The following FHIT variants were observed in gnomAD, a reference collection of about 807,000 sequenced individuals.
FHIT encodes the protein bis(5'-adenosyl)-triphosphatase.
In FHIT, 19 loss-of-function variants were observed where a neutral mutation model predicts 17.9. The observed-to-expected ratio is 1.06, with a 90% CI of 0.74 to 1.56. FHIT has a LOEUF of 1.56. Ranked by LOEUF, FHIT falls within the 40% of genes most tolerant of loss-of-function variation. The probability of loss-of-function intolerance (pLI) is 0.00; values close to 1 mark genes in which losing one functional copy is unlikely to be tolerated. For synonymous variants in FHIT, 81 were observed against 69.7 expected (o/e 1.16, Z -0.81); for missense variants, 248 against 189.2 (o/e 1.31, Z -1.82).
At chr3:60,647,369 C>G (rs1339243738) in intron 4 of FHIT, among the ~76,000 whole-genome samples, 1 of 152,120 alleles carries the variant, frequency 6.6e-6, no homozygotes, top group Non-Finnish European at 1.5e-5. Context: ...AGATTTAGCT[C>G]CTGCAATTCT....
chr3:59,803,768 T>A (rs1575522061), intron 8 of FHIT, among the ~76,000 whole-genome samples: 1 of 27,624 alleles, frequency 3.6e-5, no homozygotes, highest in South Asian at 1.9e-3. Context: ...CTAAGGGAGA[T>A]TGCCAGGTAA....
chr3:59,985,343 A>C (rs893188788), intron 7 of FHIT, among the ~76,000 whole-genome samples: 1 of 151,772 alleles, frequency 6.6e-6, no homozygotes, highest in Non-Finnish European at 1.5e-5. Context: ...ATTTGCCAAA[A>C]CTCCAGACAT....
At chr3:61,130,711 T>G (rs2036738799) in intron 2 of FHIT, among the ~76,000 whole-genome samples, 1 of 151,964 alleles carries the variant, frequency 6.6e-6, no homozygotes, top group Non-Finnish European at 1.5e-5. Context: ...CTGTGTAGGG[T>G]CAAAGTGAGT....
At chr3:60,463,707 T>G (rs950666356) in intron 5 of FHIT, among the ~76,000 whole-genome samples, 1 of 152,162 alleles carries the variant, frequency 6.6e-6, no homozygotes, top group Non-Finnish European at 1.5e-5. Flanking sequence ...AAAATAGACA[T>G]GGTTTCCAAT....
At chr3:60,761,418 A>T (rs932705422) in intron 4 of FHIT, among the ~76,000 whole-genome samples, 3 of 152,284 alleles carry the variant, frequency 2.0e-5, no homozygotes, top group South Asian at 4.2e-4. Context: ...TTTAAGACAG[A>T]CACTGTTCTG....
intron 5 of FHIT, among the ~76,000 whole-genome samples, chr3:60,430,584 A>T (rs762699720): frequency 2.6e-5 from 4 of 151,886 alleles, no homozygotes; most frequent in African/African-American, 4.8e-5. Context: ...ACTGCATTTT[A>T]TTCTCTTATA....
At chr3:60,438,052 G>T (rs1351838530) in intron 5 of FHIT, among the ~76,000 whole-genome samples, 1 of 151,994 alleles carries the variant, frequency 6.6e-6, no homozygotes, top group Non-Finnish European at 1.5e-5. Flanking sequence ...CATGAGGCAG[G>T]ATAAGTAGTC....
intron 3 of FHIT, among the ~76,000 whole-genome samples, chr3:60,835,300 T>C (rs1224148412): frequency 1.3e-5 from 2 of 152,194 alleles, no homozygotes; most frequent in East Asian, 1.9e-4. Flanking sequence ...TTTAAACCTG[T>C]ATATCAATTT....
chr3:60,280,263 A>G (rs1287428847), intron 5 of FHIT, among the ~76,000 whole-genome samples: 2 of 152,142 alleles, frequency 1.3e-5, no homozygotes, highest in African/African-American at 4.8e-5. Flanking sequence ...TACAGCTAAC[A>G]TGACATCATA....
At chr3:59,886,545 G>A (rs1703631623) in intron 8 of FHIT, among the ~76,000 whole-genome samples, 2 of 152,170 alleles carry the variant, frequency 1.3e-5, no homozygotes, top group African/African-American at 4.8e-5. Context: ...GTGAAGGGGG[G>A]CTGTGTGTGC....
chr3:60,859,973 G>A (rs1213156030), intron 3 of FHIT, among the ~76,000 whole-genome samples: 11 of 139,232 alleles, frequency 7.9e-5, no homozygotes, highest in African/African-American at 2.7e-4. Flanking sequence ...GAACCTGGGA[G>A]GCGGAGGTTC....
At chr3:60,432,885 A>T (rs1396979164) in intron 5 of FHIT, among the ~76,000 whole-genome samples, 1 of 147,984 alleles carries the variant, frequency 6.8e-6, no homozygotes, top group African/African-American at 2.5e-5. Flanking sequence ...TATAAGATTA[A>T]AACACATCAA....
chr3:60,727,819 T>C (rs960575775), intron 4 of FHIT, among the ~76,000 whole-genome samples: 5 of 152,048 alleles, frequency 3.3e-5, no homozygotes, highest in Non-Finnish European at 7.4e-5. Context: ...CTGGCTAACA[T>C]GGTGAAACCC....
chr3:60,254,576 G>A (rs186808517), intron 5 of FHIT, among the ~76,000 whole-genome samples: 171 of 152,072 alleles, frequency 1.1e-3, no homozygotes, highest in African/African-American at 3.9e-3. Flanking sequence ...AAAAGTCATC[G>A]GCCAACAATA....
chr3:60,276,264 G>C (rs1435352893), intron 5 of FHIT, among the ~76,000 whole-genome samples: 2 of 152,250 alleles, frequency 1.3e-5, no homozygotes, highest in East Asian at 3.9e-4. Flanking sequence ...GGGATTACAG[G>C]CATGAGCCAC....
intron 5 of FHIT, among the ~76,000 whole-genome samples, chr3:60,527,541 G>A (rs938202468): frequency 2.6e-5 from 4 of 152,096 alleles, no homozygotes; most frequent in Admixed American, 1.3e-4. Context: ...CAAATTATGC[G>A]GCTAACCAAG....
chr3:60,763,128 G>A (rs1262296200), intron 4 of FHIT, among the ~76,000 whole-genome samples: 1 of 152,054 alleles, frequency 6.6e-6, no homozygotes, highest in African/African-American at 2.4e-5. Flanking sequence ...TACAAAATGG[G>A]AATATGAGTA....
intron 5 of FHIT, among the ~76,000 whole-genome samples, chr3:60,511,969 C>G (rs574858722): frequency 6.6e-6 from 1 of 152,050 alleles, no homozygotes; most frequent in African/African-American, 2.4e-5. Flanking sequence ...GAAACAGCAA[C>G]AGACAAAAAG....
intron 3 of FHIT, among the ~76,000 whole-genome samples, chr3:60,871,959 A>G (rs1415140706): frequency 6.6e-6 from 1 of 152,062 alleles, no homozygotes; most frequent in East Asian, 1.9e-4. Context: ...CACTGTGCCC[A>G]GCTCCTATTA....
Sources: gnomAD v4.1 joint callset for allele counts (sites outside exome capture counted in the v4.1 genomes callset) on GRCh38, gnomAD v4.1.1 for gene constraint, MANE v1.5 for transcripts, NCBI Gene and HGNC (gene_info 2026-07-23, HGNC 2026-07-21) for gene names.